The following PSMB3 variants were observed in gnomAD, a reference collection of about 807,000 sequenced individuals.
PSMB3 encodes proteasome subunit beta type-3.
PSMB3 carries 5 observed loss-of-function variants against 23.3 expected under a neutral mutation model. The ratio of observed to expected loss-of-function variants is 0.21; its 90% CI spans 0.11 to 0.45. The LOEUF (loss-of-function observed/expected upper bound fraction) is 0.45. PSMB3 is among the 20% of genes least tolerant of loss of function. The pLI, the probability that PSMB3 is intolerant of heterozygous loss-of-function variation, is 0.99. For synonymous variants in PSMB3, 85 were observed against 99.8 expected (o/e 0.85, Z 0.88); for missense variants, 192 against 277.9 (o/e 0.69, Z 2.20).
intron 1 of PSMB3, 76 bp from the exon 2 acceptor site, chr17:38,753,074 C>G: frequency 6.9e-7 from 1 of 1,452,634 alleles, no homozygotes; most frequent in Non-Finnish European, 9.3e-7. Flanking sequence ...ACAGGAGCCT[C>G]CGCATCAGGA....
At chr17:38,757,780 T>C (rs539243704) in intron 3 of PSMB3, among the ~76,000 whole-genome samples, 16 of 152,220 alleles carry the variant, frequency 1.1e-4, no homozygotes, top group African/African-American at 3.6e-4. Context: ...CTCAGCCTCC[T>C]GAGTAGCTGG....
intron 2 of PSMB3, 91 bp downstream of exon 2, chr17:38,753,425 C>T: frequency 7.7e-7 from 1 of 1,306,838 alleles, no homozygotes; most frequent in Non-Finnish European, 1.1e-6. Flanking sequence ...AGTCATCTAC[C>T]ACACACCACC....
intron 2 of PSMB3, among the ~76,000 whole-genome samples, chr17:38,754,970 G>A (rs1908090863): frequency 6.6e-6 from 1 of 150,738 alleles, no homozygotes. Context: ...TTTCAAGTCT[G>A]TTAGCACATA....
chr17:38,762,529 T>A (rs1369581628), intron 5 of PSMB3, 24 bp downstream of exon 5: 1 of 1,598,512 alleles, frequency 6.3e-7, no homozygotes, highest in Non-Finnish European at 8.6e-7. Flanking sequence ...GGGAGAAGTC[T>A]AGAAGCTCTG....
chr17:38,764,201 T>C lies in PSMB3; in HGVS notation c.*34T>C, dbSNP rs756248878. On this transcript the variant is annotated 3_prime_UTR_variant, in exon 6 of 6. Coordinates refer to ENST00000619426, the MANE Select transcript of PSMB3 (RefSeq NM_002795.4). ...CCAGAGCCCACTTTTTTTTCTTTTT[T>C]TGAAATAAAATAGCCTGTCTTTCAC... 6 of 1,601,576 alleles carry C rather than the reference T, an allele frequency of 3.7e-6. No homozygotes were observed. The South Asian group carries it at 6.7e-5, about 18-fold the overall frequency.
chr17:38,758,416 T>G (rs913983103), intron 3 of PSMB3, among the ~76,000 whole-genome samples: 6 of 152,126 alleles, frequency 3.9e-5, no homozygotes. Context: ...CATGGCTCAC[T>G]GCAACCTTTG....
At chr17:38,755,419 GCA>G (rs1908114113) in intron 2 of PSMB3, 1 of 152,062 alleles carries the variant, frequency 6.6e-6, no homozygotes, top group South Asian at 2.1e-4. Flanking sequence ...GCCAAGGTGG[GCA>G]GATCACGAAG....
At chr17:38,753,883 T>C (rs527882759) in intron 2 of PSMB3, among the ~76,000 whole-genome samples, 4 of 152,330 alleles carry the variant, frequency 2.6e-5, no homozygotes, top group South Asian at 2.1e-4. Flanking sequence ...TGGGGAAGCA[T>C]TGGCAATGTG....
chr17:38,754,182 C>T (rs796101153), intron 2 of PSMB3, among the ~76,000 whole-genome samples: 8 of 152,218 alleles, frequency 5.3e-5, no homozygotes, highest in African/African-American at 1.9e-4. Context: ...AAAATGTTCT[C>T]ATTTCGGCTG....
At chr17:38,755,061 G>A (rs921443343) in intron 2 of PSMB3, among the ~76,000 whole-genome samples, 6 of 145,616 alleles carry the variant, frequency 4.1e-5, no homozygotes, top group South Asian at 2.2e-4. Context: ...TGCAACCTCC[G>A]CCTCCAAGGC....
chr17:38,753,461 C>CA, intron 2 of PSMB3, 127 bp downstream of exon 2: 1 of 949,498 alleles, frequency 1.1e-6, no homozygotes. Context: ...TTGCCGCCTC[C>CA]AAAAAACATG....
intron 3 of PSMB3, among the ~76,000 whole-genome samples, chr17:38,759,040 T>C (rs1238499492): frequency 6.6e-6 from 1 of 151,916 alleles, no homozygotes; most frequent in Non-Finnish European, 1.5e-5. Context: ...AGCAAGACTG[T>C]CTCAAAAAAA....
chr17:38,764,060 A>G (rs1391340655), intron 5 of PSMB3, 59 bp from the exon 6 acceptor site: 2 of 1,601,458 alleles, frequency 1.2e-6, no homozygotes, highest in African/African-American at 1.3e-5. Flanking sequence ...CAGGAGAGCT[A>G]GTCACAGTCA....
At chr17:38,762,346 G>A (rs1908478221) in intron 4 of PSMB3, 65 bp from the exon 5 acceptor site, 2 of 1,389,286 alleles carry the variant, frequency 1.4e-6, no homozygotes, top group Non-Finnish European at 2.0e-6. Flanking sequence ...AAAAAAGAGA[G>A]TTAAGGGACC....
Position 38,752,774 on chromosome 17 carries a change from C to T in PSMB3, c.-53C>T. ...GAGCGGTTGCGCAGTGAAGGCTAGACCCGGTTTACTGGAATTGCTCTGGCG... is the reference window on the plus strand; with the variant it reads ...GAGCGGTTGCGCAGTGAAGGCTAGATCCGGTTTACTGGAATTGCTCTGGCG... On this transcript the variant is annotated 5_prime_UTR_variant, in exon 1 of 6. Transcript: ENST00000619426. The surrounding 1 kb of genome is among the most constrained non-coding windows in gnomAD (Gnocchi z 5.5). The T allele has an allele frequency of 2.5e-6, 4 of 1,612,674 alleles. No individual in the cohort carries two copies. The highest frequency in any genetic ancestry group is 2.5e-6 in the Non-Finnish European group (3 of 1,178,654).
At chr17:38,755,838 G>T in intron 2 of PSMB3, 45 bp from the exon 3 acceptor site, 1 of 1,514,350 alleles carries the variant, frequency 6.6e-7, no homozygotes, top group Middle Eastern at 1.8e-4. Context: ...AGACACTCAG[G>T]AATATTCAAT....
At chr17:38,753,388 C>T (rs923517764) in intron 2 of PSMB3, 54 bp downstream of exon 2, 1 of 1,559,096 alleles carries the variant, frequency 6.4e-7, no homozygotes, top group Non-Finnish European at 8.7e-7. Flanking sequence ...ACCATCCAAC[C>T]CCGGCGTCTT....
chr17:38,756,472 G>A (rs1908199946), intron 3 of PSMB3, among the ~76,000 whole-genome samples: 1 of 152,136 alleles, frequency 6.6e-6, no homozygotes, highest in African/African-American at 2.4e-5. Context: ...GCAAACCTGG[G>A]TGGCCAGAAT....
intron 3 of PSMB3, among the ~76,000 whole-genome samples, chr17:38,760,156 A>G (rs1198408529): frequency 1.3e-5 from 2 of 152,232 alleles, no homozygotes; most frequent in Non-Finnish European, 2.9e-5. Context: ...ATTAGAAGAA[A>G]ACAATTCTGA....
Sources: allele counts gnomAD v4.1 joint callset (sites outside exome capture counted in the v4.1 genomes callset), GRCh38; gene constraint gnomAD v4.1.1; non-coding constraint Gnocchi (gnomAD v3.1); transcripts MANE v1.5; gene names NCBI Gene and HGNC (gene_info 2026-07-23, HGNC 2026-07-21).